GREB1: variants seen among roughly 807,000 people sequenced by gnomAD.
GREB1 encodes growth regulating estrogen receptor binding 1, also known as protein GREB1.
In GREB1, 106 loss-of-function variants were observed where a neutral mutation model predicts 200.7. The observed-to-expected ratio is 0.53, with a 90% CI of 0.45 to 0.62. The LOEUF is 0.62. Among genes scored for constraint, GREB1 ranks in the 20% least tolerant of loss-of-function variants. The pLI, the probability that GREB1 is intolerant of heterozygous loss-of-function variation, is 0.00. For missense variants in GREB1, 2,243 were observed against 2,556.8 expected (o/e 0.88, Z 2.65); for synonymous variants, 1,132 against 1,092.4 (o/e 1.04, Z -0.72).
intron 10 of GREB1, among the ~76,000 whole-genome samples, chr2:11,590,993 A>T (rs549368806): frequency 6.6e-6 from 1 of 152,276 alleles, no homozygotes; most frequent in East Asian, 1.9e-4. Flanking sequence ...ATGATGATGT[A>T]TGTGAAGATT....
intron 1 of GREB1, among the ~76,000 whole-genome samples, chr2:11,506,965 C>A (rs756443571): frequency 1.9e-4 from 29 of 151,490 alleles, no homozygotes; most frequent in Middle Eastern, 3.4e-3. Flanking sequence ...TTGTGTGAAG[C>A]AATCAAAGAA....
Position 11,576,464 on chromosome 2 carries a change from TG to T in GREB1, c.567del (p.Lys190SerfsTer12). On this transcript the variant is annotated frameshift_variant, in exon 5 of 33. Coordinates refer to ENST00000381486, the MANE Select transcript of GREB1 (RefSeq NM_014668.4). LOFTEE classifies it high-confidence loss of function. ...LTTQPKKQKH[L>X]KYYLVRNAQG... The stretch of plus-strand genomic sequence containing the variant: ...ACTCAACCCAAGAAGCAGAAACACT[TG>T]AAGTATTACCTGGTCCGTAATGCAC... 6.2e-7 allele frequency: 1 copy of T among 1,614,024 alleles called. No homozygotes were observed. The highest frequency in any genetic ancestry group is 8.5e-7 in the Non-Finnish European group (1 of 1,179,896).
chr2:11,589,787 G>C (rs1680546127), intron 10 of GREB1, among the ~76,000 whole-genome samples: 2 of 152,152 alleles, frequency 1.3e-5, no homozygotes, highest in South Asian at 4.1e-4. Flanking sequence ...AAGGCCGGCT[G>C]GAAATGCCTT....
Position 11,593,009 on chromosome 2 carries a change from G to A in GREB1, c.1579G>A (p.Glu527Lys), listed in dbSNP as rs1471934505. ...HVIECAYSLA[E>K]GLSEMFRLLV... ...CATCGAGTGTGCTTACTCCCTGGCC[G>A]AGGGCCTCTCCGAGATGTTCCGGCT... Residue 527 changes from glutamate (E) to lysine (K), a missense_variant, in exon 11 of 33, where the codon GAG becomes AAG. By Grantham distance (56) the Glu-to-Lys change is moderately conservative (BLOSUM62 1). This residue lies in a region of GREB1 where 1,178 missense variants were observed against 1,387.4 expected (regional missense o/e 0.85). Coordinates refer to ENST00000381486, the MANE Select transcript of GREB1 (RefSeq NM_014668.4). The A allele has an allele frequency of 5.0e-6, 8 of 1,612,536 alleles. No homozygotes were observed. The highest frequency in any genetic ancestry group is 6.8e-6 in the Non-Finnish European group (8 of 1,179,468).
intron 25 of GREB1, among the ~76,000 whole-genome samples, chr2:11,627,525 A>G (rs923820375): frequency 2.0e-5 from 3 of 152,236 alleles, no homozygotes; most frequent in African/African-American, 7.2e-5. Flanking sequence ...GAAGCAGGCA[A>G]AAGGAGTACT....
Position 11,618,920 on chromosome 2 carries a change from G to C in GREB1, c.4044+1G>C. The C allele has an allele frequency of 1.3e-6, 2 of 1,505,310 alleles. No homozygotes were observed. Among genetic ancestry groups the C allele is most frequent in the Non-Finnish European group, 1.8e-6 (2 of 1,130,566 alleles). The allele number at this position is 1,505,310 out of a possible 1,614,324, so 93.2% of individuals were successfully genotyped here. On this transcript the variant is annotated splice_donor_variant, in intron 22 of 32. Transcript: ENST00000381486. LOFTEE classifies it high-confidence loss of function. ...GCTGCTGCTCAGCGGCCCCCCTCAG[G>C]TGAGTGTTGCTCGCTGCCCCAGCAC...
chr2:11,507,053 C>T (rs1043379210), intron 1 of GREB1, among the ~76,000 whole-genome samples: 1 of 152,200 alleles, frequency 6.6e-6, no homozygotes, highest in African/African-American at 2.4e-5. Context: ...AATAATCCTT[C>T]TCTATATACC....
rs150023475 is a variant in GREB1 at position 11,508,568 on chromosome 2, C to T, written c.-159+26187C>T. The stretch of plus-strand genomic sequence containing the variant: ...CACTCCCCTTTTACGTGGCTTGCTG[C>T]TTGAACAAGAACGTACATAATCCTC... On this transcript the variant is annotated intron_variant, in intron 1 of 2. Coordinates refer to the GREB1 transcript ENST00000628795. Among the ~76,000 whole-genome samples the T allele has an allele frequency of 2.2e-4, 34 of 152,296 alleles. No individual in the cohort carries two copies. In the East Asian group the frequency reaches 4.1e-3, roughly 18 times the overall value.
At chr2:11,568,631 C>T (rs576383912) in intron 4 of GREB1, among the ~76,000 whole-genome samples, 6 of 152,348 alleles carry the variant, frequency 3.9e-5, no homozygotes, top group South Asian at 4.1e-4. Flanking sequence ...TGGCGGTGGC[C>T]GGGGATTCAT....
At chr2:11,495,972 A>G (rs899936475) in intron 1 of GREB1, among the ~76,000 whole-genome samples, 1 of 151,994 alleles carries the variant, frequency 6.6e-6, no homozygotes, top group Non-Finnish European at 1.5e-5. Context: ...CCAGGTGAGG[A>G]TAACCAGACT....
intron 1 of GREB1, among the ~76,000 whole-genome samples, chr2:11,486,888 AAAAC>A (rs1672668947): frequency 6.6e-6 from 1 of 152,004 alleles, no homozygotes; most frequent in Admixed American, 6.6e-5. Context: ...AACAAACAAA[AAAAC>A]AACCACAGAA....
chr2:11,516,860 G>T (rs1332457597), intron 1 of GREB1, among the ~76,000 whole-genome samples: 1 of 152,226 alleles, frequency 6.6e-6, no homozygotes, highest in Non-Finnish European at 1.5e-5. Context: ...GAGGAAGGAG[G>T]AGCAGCTTCT....
chr2:11,485,063 G>C (rs888702967), intron 1 of GREB1, among the ~76,000 whole-genome samples: 2 of 152,048 alleles, frequency 1.3e-5, no homozygotes, highest in Non-Finnish European at 2.9e-5. Context: ...TCCTGTCCTC[G>C]TGATCTGCCC....
intron 26 of GREB1, among the ~76,000 whole-genome samples, chr2:11,630,449 A>G (rs967318383): frequency 5.3e-5 from 8 of 152,234 alleles, no homozygotes; most frequent in Non-Finnish European, 1.2e-4. Flanking sequence ...GGAAGATAAC[A>G]GGAGCTGGGT....
chr2:11,611,327 C>G (rs10929761), intron 18 of GREB1, among the ~76,000 whole-genome samples: 82,085 of 151,928 alleles, frequency 0.54, 25,382 homozygotes, highest in Non-Finnish European at 0.7. Flanking sequence ...TTATTTTCCC[C>G]TTTGAGACAG....
At position 11,556,477 on chromosome 2, in the gene GREB1, CCTTT is replaced by C. The variant is rs761505442; in HGVS notation, c.-134_-131del. The C allele has an allele frequency of 5.2e-5, 33 of 631,232 alleles. No individual in the cohort carries two copies. Among genetic ancestry groups the C allele is most frequent in the Non-Finnish European group, 7.8e-5 (29 of 371,918 alleles). The allele number at this position is 631,232 out of a possible 1,614,324, so 39.1% of individuals were successfully genotyped here. A position where few individuals can be genotyped will look rare whatever the true frequency, so the allele number is the denominator to read the frequency against. On this transcript the variant is annotated 5_prime_UTR_variant, in exon 2 of 33. The change abolishes the stop of an existing upstream ORF in the 5' untranslated region. Transcript: ENST00000381486. The stretch of plus-strand genomic sequence containing the variant: ...AGTAGCTGCAGCTGAGGACAGCCAC[CCTTT>C]CTTCGTCTCTGCTGAGCGAAGGCTA...
chr2:11,550,646 T>A (rs1572661863), intron 1 of GREB1, among the ~76,000 whole-genome samples: 1 of 152,326 alleles, frequency 6.6e-6, no homozygotes, highest in Middle Eastern at 3.4e-3. Flanking sequence ...ATCAGTTTGC[T>A]CCTCAGGAGG....
chr2:11,603,958 C>G (rs1682010644), intron 17 of GREB1, among the ~76,000 whole-genome samples: 1 of 152,228 alleles, frequency 6.6e-6, no homozygotes, highest in South Asian at 2.1e-4. Context: ...TCCAGAGTCA[C>G]ATGGGGGGTT....
At chr2:11,502,063 T>C (rs1275625344) in intron 1 of GREB1, among the ~76,000 whole-genome samples, 1 of 150,880 alleles carries the variant, frequency 6.6e-6, no homozygotes, top group African/African-American at 2.4e-5. Flanking sequence ...ATTACAGGCA[T>C]GCACCACCAC....
Sources: gnomAD v4.1 joint callset for allele counts (sites outside exome capture counted in the v4.1 genomes callset) on GRCh38, gnomAD v4.1.1 for gene constraint, gnomAD v4.1.1 regional missense constraint, MANE v1.5 for transcripts, NCBI Gene and HGNC (gene_info 2026-07-23, HGNC 2026-07-21) for gene names.